Variants in MARCHF3 observed in about 807,000 individuals in gnomAD.
MARCHF3 encodes membrane associated ring-CH-type finger 3.
A neutral mutation model predicts 24.2 loss-of-function variants in MARCHF3; 13 were observed. That is an observed-to-expected ratio of 0.54 (90% CI 0.35 to 0.85). MARCHF3 has a LOEUF of 0.85. Ranked by LOEUF, MARCHF3 falls within the 40% of genes least tolerant of loss-of-function variation. The probability of loss-of-function intolerance (pLI) is 0.01; values close to 1 mark genes in which losing one functional copy is unlikely to be tolerated. For synonymous variants in MARCHF3, 144 were observed against 137.3 expected (o/e 1.05, Z -0.34); for missense variants, 276 against 325.0 (o/e 0.85, Z 1.16).
At chr5:126,890,069 G>C (rs552071093) in intron 3 of MARCHF3, among the ~76,000 whole-genome samples, 16 of 152,168 alleles carry the variant, frequency 1.1e-4, no homozygotes, top group Non-Finnish European at 1.0e-4. Context: ...CACTCCCCTG[G>C]ACTTTTTGGA....
At chr5:127,021,250 C>T (rs1452061850) in intron 1 of MARCHF3, among the ~76,000 whole-genome samples, 1 of 152,002 alleles carries the variant, frequency 6.6e-6, no homozygotes, top group Non-Finnish European at 1.5e-5. Context: ...AGGATTATTG[C>T]TTGGGGAACT....
chr5:127,002,663 A>G (rs1752166466), intron 1 of MARCHF3, among the ~76,000 whole-genome samples: 1 of 152,226 alleles, frequency 6.6e-6, no homozygotes, highest in African/African-American at 2.4e-5. Context: ...ATCAGAGGAA[A>G]AACTGTCAAC....
intron 1 of MARCHF3, among the ~76,000 whole-genome samples, chr5:126,951,713 G>A (rs1247088378): frequency 2.0e-5 from 3 of 152,174 alleles, no homozygotes; most frequent in Non-Finnish European, 4.4e-5. Flanking sequence ...TGTTGCTTTT[G>A]GGTGATGTTT....
intron 3 of MARCHF3, among the ~76,000 whole-genome samples, chr5:126,888,638 A>G (rs1753573733): frequency 6.6e-6 from 1 of 152,252 alleles, no homozygotes; most frequent in Non-Finnish European, 1.5e-5. Context: ...ATCAATGTAA[A>G]GCAAGAAACA....
intron 1 of MARCHF3, among the ~76,000 whole-genome samples, chr5:126,974,030 T>C (rs1751110625): frequency 6.6e-6 from 1 of 151,738 alleles, no homozygotes. Flanking sequence ...CCCGAGTAGC[T>C]GGGACTACAG....
chr5:126,949,860 T>C (rs1750158208), intron 1 of MARCHF3, among the ~76,000 whole-genome samples: 1 of 152,040 alleles, frequency 6.6e-6, no homozygotes, highest in Middle Eastern at 3.4e-3. Flanking sequence ...AAATAAGGAG[T>C]GGCAGAAGTA....
At chr5:126,906,779 C>T (rs1350611065) in intron 3 of MARCHF3, among the ~76,000 whole-genome samples, 4 of 152,078 alleles carry the variant, frequency 2.6e-5, no homozygotes, top group Non-Finnish European at 5.9e-5. Context: ...CTCCTGGATT[C>T]GTTAATTTTT....
At chr5:126,918,647 A>G (rs750393147) in intron 1 of MARCHF3, among the ~76,000 whole-genome samples, 3 of 152,232 alleles carry the variant, frequency 2.0e-5, no homozygotes, top group Admixed American at 6.5e-5. Context: ...TAAGCAATTT[A>G]TTCTACATGC....
rs115836646 is a variant in MARCHF3, at chr5:126,870,446, T to G, written c.*187A>C. ...TCATATGATTGCAGCATCCATCATT[T>G]GAAGTAAAACAGCATTTGCTTTCTT... On this transcript the variant is annotated 3_prime_UTR_variant, in exon 5 of 5. Coordinates refer to ENST00000308660, the MANE Select transcript of MARCHF3 (RefSeq NM_178450.5). 3,302 of 520,248 alleles carry G rather than the reference T, an allele frequency of 6.3e-3. 21 individuals carry two copies. The highest frequency in any genetic ancestry group is 8.9e-3 in the Non-Finnish European group (2,582 of 289,152). The allele number at this position is 520,248 out of a possible 1,614,324, so 32.2% of individuals were successfully genotyped here.
intron 1 of MARCHF3, among the ~76,000 whole-genome samples, chr5:126,971,761 T>C (rs181892803): frequency 6.8e-4 from 104 of 152,348 alleles, no homozygotes; most frequent in African/African-American, 2.5e-3. Flanking sequence ...TCCCAGTAAG[T>C]GACAATTAGT....
intron 1 of MARCHF3, among the ~76,000 whole-genome samples, chr5:126,928,916 C>T (rs1325680831): frequency 6.6e-6 from 1 of 152,148 alleles, no homozygotes; most frequent in Non-Finnish European, 1.5e-5. Flanking sequence ...ATGAACATTT[C>T]TCATATAACC....
intron 1 of MARCHF3, among the ~76,000 whole-genome samples, chr5:126,992,948 A>G (rs1751822570): frequency 1.3e-5 from 2 of 151,554 alleles, no homozygotes; most frequent in Non-Finnish European, 2.9e-5. Context: ...ATTTTTTTGT[A>G]TTTTTAGTAG....
chr5:126,953,266 T>A (rs1750316978), intron 1 of MARCHF3, among the ~76,000 whole-genome samples: 1 of 152,210 alleles, frequency 6.6e-6, no homozygotes, highest in Non-Finnish European at 1.5e-5. Flanking sequence ...ATGTTCTTCT[T>A]GAAGACATGC....
chr5:127,002,647 C>G (rs539059066), intron 1 of MARCHF3, among the ~76,000 whole-genome samples: 42 of 152,296 alleles, frequency 2.8e-4, no homozygotes, highest in African/African-American at 9.4e-4. Context: ...GCACTAAGTT[C>G]ACCACATCAG....
intron 1 of MARCHF3, among the ~76,000 whole-genome samples, chr5:126,926,939 C>T (rs1580651154): frequency 6.6e-6 from 1 of 152,250 alleles, no homozygotes; most frequent in East Asian, 1.9e-4. Flanking sequence ...CCTCACTCAG[C>T]CCACCCTCTT....
chr5:126,871,680 T>C lies in MARCHF3; in HGVS notation c.604-889A>G, dbSNP rs1752970702. Among the ~76,000 whole-genome samples the C allele has an allele frequency of 2.0e-5, 3 of 152,062 alleles. No individual in the cohort carries two copies. In the South Asian group the frequency reaches 6.2e-4, roughly 31 times the overall value. On this transcript the variant is annotated intron_variant, in intron 4 of 4. Transcript: ENST00000308660. ...GAATAAGCATCCTATATTTTCTGAT[T>C]GCAACACTGCTTCAAACTTAAGCCT...
chr5:126,995,528 C>T (rs1377984727), intron 1 of MARCHF3, among the ~76,000 whole-genome samples: 1 of 152,200 alleles, frequency 6.6e-6, no homozygotes, highest in Non-Finnish European at 1.5e-5. Flanking sequence ...ATTATTCTGA[C>T]TGAACATAAT....
chr5:126,980,288 G>T (rs1392272861), intron 1 of MARCHF3, among the ~76,000 whole-genome samples: 1 of 152,078 alleles, frequency 6.6e-6, no homozygotes, highest in Non-Finnish European at 1.5e-5. Context: ...TTGGCCCAGG[G>T]TGACTAGATC....
At chr5:126,916,692 G>GACAGACACACACACACACAC (rs750408549) in intron 2 of MARCHF3, among the ~76,000 whole-genome samples, 1 of 130,480 alleles carries the variant, frequency 7.7e-6, no homozygotes, top group East Asian at 2.4e-4. Flanking sequence ...CAGACAGACA[G>GACAGACACACACACACACAC]ACACACACAC....
Sources: gnomAD v4.1 joint callset for allele counts (sites outside exome capture counted in the v4.1 genomes callset) on GRCh38, gnomAD v4.1.1 for gene constraint, MANE v1.5 for transcripts, NCBI Gene and HGNC (gene_info 2026-07-23, HGNC 2026-07-21) for gene names.